The following CUL9 variants were observed in gnomAD, a reference collection of about 807,000 sequenced individuals.
CUL9 encodes cullin-9.
Under a neutral mutation model 272.6 loss-of-function variants are expected in CUL9, and 79 were observed. The observed-to-expected ratio is 0.29, with a 90% CI of 0.24 to 0.35. The LOEUF (loss-of-function observed/expected upper bound fraction) is 0.35. CUL9 is among the 10% of genes least tolerant of loss of function. The probability of loss-of-function intolerance (pLI) is 1.00; values close to 1 mark genes in which losing one functional copy is unlikely to be tolerated. For missense variants in CUL9, 2,532 were observed against 3,255.6 expected (o/e 0.78, Z 5.41); for synonymous variants, 1,186 against 1,286.5 (o/e 0.92, Z 1.67).
At chr6:43,197,583 A>C (rs1295217077) in intron 11 of CUL9, among the ~76,000 whole-genome samples, 2 of 151,752 alleles carry the variant, frequency 1.3e-5, no homozygotes, top group Non-Finnish European at 2.9e-5. Context: ...TCCCGGGTTC[A>C]AGGAATTCTC....
At position 43,199,840 on chromosome 6, in the gene CUL9, C is replaced by A; in HGVS notation, c.3157-89C>A. The A allele has an allele frequency of 9.3e-7, 1 of 1,078,262 alleles. No individual in the cohort carries two copies. The highest frequency in any genetic ancestry group is 1.4e-6 in the Non-Finnish European group (1 of 711,516). The allele number at this position is 1,078,262 out of a possible 1,614,324, so 66.8% of individuals were successfully genotyped here. On this transcript the variant is annotated intron_variant, in intron 13 of 40. Coordinates refer to ENST00000252050, the MANE Select transcript of CUL9 (RefSeq NM_015089.4). This position sits in a 1 kb window ranked among gnomAD's most constrained non-coding sequence, Gnocchi z 4.4. ...TGGCATGTCTCCACAATCTCAGCCA[C>A]GACACTTCCTTTACTGAACCCTCTC...
rs1341175384 is a variant in CUL9 at position 43,196,656 on chromosome 6, C to T, written c.2597C>T (p.Ala866Val). The T allele has an allele frequency of 6.2e-7, 1 of 1,614,072 alleles. No homozygotes were observed. The highest frequency in any genetic ancestry group is 8.5e-7 in the Non-Finnish European group (1 of 1,179,898). ...LMLNTEGCSS[A>V]ARNGLLLLNL... ...CTCCCTCCTCCCAGGTGCTCTTCTG[C>T]AGCGAGAAATGGCTTACTCCTGCTC... is the stretch of plus-strand genomic sequence containing the variant. The change falls in exon 11 of 41, where the codon GCA becomes GTA. Residue 866 changes from alanine to valine, a missense_variant. Coordinates refer to ENST00000252050, the MANE Select transcript of CUL9 (RefSeq NM_015089.4).
intron 24 of CUL9, 56 bp from the exon 25 acceptor site, chr6:43,205,951 G>GGCTGGGACAC (rs1280338783): frequency 6.6e-7 from 1 of 1,519,518 alleles, no homozygotes. Context: ...TCGAGGGGGA[G>GGCTGGGACAC]GCTGGGCCAC....
chr6:43,183,598 C>T (rs1772623847), intron 1 of CUL9, among the ~76,000 whole-genome samples: 1 of 152,186 alleles, frequency 6.6e-6, no homozygotes, highest in Non-Finnish European at 1.5e-5. Context: ...AACCCTCAGC[C>T]ACCCTGCTAT....
Position 43,196,114 on chromosome 6 carries a change from T to A in CUL9, c.2434T>A (p.Phe812Ile). The change falls in exon 10 of 41, where the codon TTT (phenylalanine) becomes ATT (isoleucine). Residue 812 changes from phenylalanine to isoleucine, a missense_variant. Coordinates refer to ENST00000252050, the MANE Select transcript of CUL9 (RefSeq NM_015089.4). ...CGCCAGCTCCTCGGAGATCCCCACT[T>A]TTGTTACTGGCCGAGATTCTATCCA... is the stretch of plus-strand genomic sequence containing the variant. ...AVASSSEIPT[F>I]VTGRDSIHSL... 2 of 1,614,096 alleles carry A rather than the reference T, an allele frequency of 1.2e-6. No individual in the cohort carries two copies. Among genetic ancestry groups the A allele is most frequent in the Non-Finnish European group, 1.7e-6 (2 of 1,179,978 alleles).
chr6:43,199,234 C>G lies in CUL9; in HGVS notation c.3051-32C>G. 1 of 1,560,756 alleles carries G rather than the reference C, an allele frequency of 6.4e-7. No individual in the cohort carries two copies. Among genetic ancestry groups the G allele is most frequent in the Non-Finnish European group, 8.8e-7 (1 of 1,132,712 alleles). Reference sequence around the variant, plus strand: ...TACAGGCATGAGCCACTGTGCCTGGCCTGACTTCACTCGTTTCTACCCCCT... The same window carrying G: ...TACAGGCATGAGCCACTGTGCCTGGGCTGACTTCACTCGTTTCTACCCCCT... On this transcript the variant is annotated intron_variant, in intron 12 of 40. Coordinates refer to ENST00000252050, the MANE Select transcript of CUL9 (RefSeq NM_015089.4). This position sits in a 1 kb window ranked among gnomAD's most constrained non-coding sequence, Gnocchi z 4.4.
chr6:43,193,620 C>T (rs1443590146), intron 9 of CUL9, among the ~76,000 whole-genome samples: 2 of 152,094 alleles, frequency 1.3e-5, no homozygotes, highest in Non-Finnish European at 2.9e-5. Context: ...TATCTCGGGT[C>T]ACTACAACCT....
Position 43,222,906 on chromosome 6 carries a change from C to A in CUL9, c.7150+10C>A, listed in dbSNP as rs748593928. 1.2e-6 allele frequency: 2 copies of A among 1,608,454 alleles called. No homozygotes were observed. Among genetic ancestry groups the A allele is most frequent in the African/African-American group, 2.7e-5 (2 of 74,812 alleles). ...CTGCAGATCCTCCTGGGTGAGCCAC[C>A]CCTGCCAGCCAGGCCCTCCTCCTGC... On this transcript the variant is annotated intron_variant, in intron 38 of 40. Transcript: ENST00000252050.
intron 24 of CUL9, 152 bp from the exon 25 acceptor site, chr6:43,205,855 G>A: frequency 1.6e-6 from 1 of 611,722 alleles, no homozygotes; most frequent in Non-Finnish European, 2.8e-6. Context: ...AAGTGGAGGT[G>A]GTCATGCATT....
Position 43,224,527 on chromosome 6 carries a change from G to A in CUL9, c.*82G>A. 7.6e-7 allele frequency: 1 copy of A among 1,319,390 alleles called. No individual in the cohort carries two copies. Among genetic ancestry groups the A allele is most frequent in the Non-Finnish European group, 1.0e-6 (1 of 960,056 alleles). 81.7% of individuals were successfully genotyped at this position (1,319,390 alleles called of 1,614,324 possible). On this transcript the variant is annotated 3_prime_UTR_variant, in exon 41 of 41. Coordinates refer to ENST00000252050, the MANE Select transcript of CUL9 (RefSeq NM_015089.4). The surrounding 1 kb of genome is among the most constrained non-coding windows in gnomAD (Gnocchi z 4.2). The stretch of plus-strand genomic sequence containing the variant: ...GGGAGCTGCCCCTGTCATAGGGAGG[G>A]GGATTCCCAGCGTCTGTAGTGCTTC...
chr6:43,205,164 C>T lies in CUL9; in HGVS notation c.4632+49C>T, dbSNP rs543056566. ...GGGCTATAAGCTTGTGTTCCAAGTT[C>T]ATCTCTTTCTGCTCTGCCCTTTCAC... On this transcript the variant is annotated intron_variant, in intron 23 of 40. Transcript: ENST00000252050. 5.1e-6 allele frequency: 8 copies of T among 1,575,256 alleles called. No individual in the cohort carries two copies. The African/African-American group carries it at 1.1e-4, about 21-fold the overall frequency.
In CUL9 at chr6:43,184,316, G is replaced by T; in HGVS notation, c.6G>T (p.Val2=). 1 of 1,514,842 alleles carries T rather than the reference G, an allele frequency of 6.6e-7. No individual in the cohort carries two copies. Among genetic ancestry groups the T allele is most frequent in the Non-Finnish European group, 8.9e-7 (1 of 1,127,206 alleles). 93.8% of individuals were successfully genotyped at this position (1,514,842 alleles called of 1,614,324 possible). A position where few individuals can be genotyped will look rare whatever the true frequency, so the allele number is the denominator to read the frequency against. M[V]GERHAGDLMV... ...GTGTATCCCAGGAGGTCAGGATGGT[G>T]GGGGAACGGCATGCTGGGGACCTCA... The change falls in exon 2 of 41, where the codon GTG becomes GTT. Residue 2 remains valine, a synonymous_variant. Coordinates refer to ENST00000252050, the MANE Select transcript of CUL9 (RefSeq NM_015089.4). This position sits in a 1 kb window ranked among gnomAD's most constrained non-coding sequence, Gnocchi z 4.8.
In CUL9 at chr6:43,215,104, C is replaced by T; in HGVS notation, c.5714C>T (p.Pro1905Leu). The T allele has an allele frequency of 6.2e-7, 1 of 1,611,750 alleles. No homozygotes were observed. The highest frequency in any genetic ancestry group is 1.3e-5 in the African/African-American group (1 of 75,016). Residue 1905 changes from proline (P) to leucine (L), a missense_variant, in exon 30 of 41, where the codon CCA (proline) becomes CTA (leucine). By Grantham distance (98) the Pro-to-Leu change is moderately conservative (BLOSUM62 -3). This residue lies in a region of CUL9 where 2,218 missense variants were observed against 2,788.6 expected (regional missense o/e 0.80). Coordinates refer to ENST00000252050, the MANE Select transcript of CUL9 (RefSeq NM_015089.4). ...CLVLEAWQKG[P>L]NPPGTLGHTV... ...GTGCTGGAGGCCTGGCAGAAGGGTCCAAATCCTCCTGGAACCCTGGGCCAC... is the reference window on the plus strand; with the variant it reads ...GTGCTGGAGGCCTGGCAGAAGGGTCTAAATCCTCCTGGAACCCTGGGCCAC...
chr6:43,220,277 CCA>C lies in CUL9; in HGVS notation c.6283-181_6283-180del, dbSNP rs1776242207. On this transcript the variant is annotated intron_variant, in intron 31 of 40. Transcript: ENST00000252050. This position sits in a 1 kb window ranked among gnomAD's most constrained non-coding sequence, Gnocchi z 4.9. ...TCCTCAAAGACAACTGTAATTTGGG[CCA>C]GTCTCAGCAAAGCTGGAGAGAGGAG... 6.6e-6 allele frequency among the ~76,000 whole-genome samples: 1 copy of C among 152,134 alleles called. No homozygotes were observed. The highest frequency in any genetic ancestry group is 2.4e-5 in the African/African-American group (1 of 41,414).
At chr6:43,188,465 C>T (rs1773123915) in intron 7 of CUL9, 58 bp from the exon 8 acceptor site, 1 of 1,487,582 alleles carries the variant, frequency 6.7e-7, no homozygotes, top group East Asian at 2.3e-5. Flanking sequence ...ACTTTAAAGA[C>T]TTCTAACTTC....
chr6:43,223,911 C>T lies in CUL9; in HGVS notation c.7285-184C>T. The stretch of plus-strand genomic sequence containing the variant: ...ACAGGGTCGTGTGCCTCACCTGGTA[C>T]CCCGTATCCCTGGAGACCATCTGTG... On this transcript the variant is annotated intron_variant, in intron 39 of 40. Coordinates refer to ENST00000252050, the MANE Select transcript of CUL9 (RefSeq NM_015089.4). This position sits in a 1 kb window ranked among gnomAD's most constrained non-coding sequence, Gnocchi z 4.1. 1.6e-6 allele frequency: 1 copy of T among 642,158 alleles called. No individual in the cohort carries two copies. Among genetic ancestry groups the T allele is most frequent in the Admixed American group, 2.5e-5 (1 of 39,850 alleles). The allele number at this position is 642,158 out of a possible 1,614,324, so 39.8% of individuals were successfully genotyped here.
chr6:43,202,356 C>T (rs1254720323), intron 16 of CUL9, among the ~76,000 whole-genome samples: 5 of 152,072 alleles, frequency 3.3e-5, no homozygotes, highest in African/African-American at 1.2e-4. Flanking sequence ...ATTTGGAGTC[C>T]TCTGTGTATT....
chr6:43,217,500 G>A (rs1562059380), intron 31 of CUL9, among the ~76,000 whole-genome samples: 1 of 152,206 alleles, frequency 6.6e-6, no homozygotes, highest in Admixed American at 6.5e-5. Context: ...CTGCCTCACA[G>A]CTCTTTAGAA....
At chr6:43,197,500 T>G (rs1368486130) in intron 11 of CUL9, among the ~76,000 whole-genome samples, 4 of 152,016 alleles carry the variant, frequency 2.6e-5, no homozygotes, top group Admixed American at 1.3e-4. Context: ...GGTTTTTTTT[T>G]GGAGGTGGAG....
Sources: gnomAD v4.1 joint callset for allele counts (sites outside exome capture counted in the v4.1 genomes callset) on GRCh38, gnomAD v4.1.1 for gene constraint, gnomAD v4.1.1 regional missense constraint, Gnocchi (gnomAD v3.1) non-coding constraint, MANE v1.5 for transcripts, NCBI Gene and HGNC (gene_info 2026-07-23, HGNC 2026-07-21) for gene names.